The following PDE4D variants were observed in gnomAD, a reference collection of about 807,000 sequenced individuals.
The protein encoded by PDE4D is 3',5'-cyclic-AMP phosphodiesterase 4D.
A neutral mutation model predicts 87.4 loss-of-function variants in PDE4D; 24 were observed. That is an observed-to-expected ratio of 0.27 (90% CI 0.20 to 0.39). The LOEUF (loss-of-function observed/expected upper bound fraction) is 0.39. Ranked by LOEUF, PDE4D falls within the 10% of genes least tolerant of loss-of-function variation. The pLI, the probability that PDE4D is intolerant of heterozygous loss-of-function variation, is 1.00. For synonymous variants in PDE4D, 384 were observed against 383.2 expected (o/e 1.00, Z -0.02); for missense variants, 714 against 1,041.0 (o/e 0.69, Z 4.32).
In PDE4D at chr5:59,954,006, AC is replaced by A. The variant is rs556255073; in HGVS notation, c.272+34481del. 1.4e-4 allele frequency among the ~76,000 whole-genome samples: 22 copies of A among 152,114 alleles called. No individual in the cohort carries two copies. The East Asian group carries it at 3.3e-3, about 23-fold the overall frequency. ...GATGGCACGATCTCAGCTCACTGCA[AC>A]CTCTGCCTCCCAGGTTCAAACAACT... On this transcript the variant is annotated intron_variant, in intron 3 of 16. Transcript: ENST00000502484.
chr5:59,850,541 A>G (rs1008657137), intron 1 of PDE4D, among the ~76,000 whole-genome samples: 1 of 152,060 alleles, frequency 6.6e-6, no homozygotes, highest in African/African-American at 2.4e-5. Context: ...AGGAAAAGAA[A>G]AGGCATAGAG....
intron 5 of PDE4D, chr5:59,091,261 C>A: frequency 2.7e-6 from 1 of 372,690 alleles, no homozygotes. Flanking sequence ...TATGCATGAC[C>A]CATGAATCCA....
chr5:60,476,711 G>A (rs1748357031), intron 1 of PDE4D, among the ~76,000 whole-genome samples: 1 of 152,096 alleles, frequency 6.6e-6, no homozygotes, highest in African/African-American at 2.4e-5. Flanking sequence ...TAATGCCCCT[G>A]CGTGCAGCAC....
intron 1 of PDE4D, chr5:59,275,362 G>A (rs1216781331): frequency 1.3e-6 from 2 of 1,597,146 alleles, no homozygotes; most frequent in Non-Finnish European, 1.7e-6. Context: ...AGTCCTTAGG[G>A]AACTTGTAGA....
chr5:59,771,154 A>AATAG, intron 1 of PDE4D, among the ~76,000 whole-genome samples: 1 of 151,104 alleles, frequency 6.6e-6, no homozygotes, highest in Non-Finnish European at 1.5e-5. Flanking sequence ...TAAATAAATA[A>AATAG]ATAAATAAAT....
At chr5:60,059,700 C>A (rs1167592377) in intron 2 of PDE4D, among the ~76,000 whole-genome samples, 1 of 151,850 alleles carries the variant, frequency 6.6e-6, no homozygotes, top group Non-Finnish European at 1.5e-5. Flanking sequence ...GGGGAACTGA[C>A]AATTACAAGT....
At chr5:59,542,060 C>G (rs566088350) in intron 1 of PDE4D, among the ~76,000 whole-genome samples, 1 of 152,270 alleles carries the variant, frequency 6.6e-6, no homozygotes, top group Admixed American at 6.5e-5. Flanking sequence ...ATAGCCTAAT[C>G]TATGCCGGGC....
At chr5:59,528,672 T>C (rs943725495) in intron 1 of PDE4D, among the ~76,000 whole-genome samples, 4 of 152,118 alleles carry the variant, frequency 2.6e-5, no homozygotes, top group African/African-American at 9.7e-5. Flanking sequence ...TTTGGGCCAT[T>C]AAATTACAAA....
intron 1 of PDE4D, among the ~76,000 whole-genome samples, chr5:59,279,623 A>G (rs994021285): frequency 1.3e-5 from 2 of 152,140 alleles, no homozygotes; most frequent in Non-Finnish European, 2.9e-5. Flanking sequence ...TTAATTACCT[A>G]CATGCTAAGT....
chr5:59,179,576 T>C (rs1740986902), intron 5 of PDE4D: 1 of 380,498 alleles, frequency 2.6e-6, no homozygotes, highest in Admixed American at 3.9e-5. Context: ...TCAGAAAAGA[T>C]GACATTAACA....
chr5:59,459,724 A>T (rs560147458), intron 1 of PDE4D, among the ~76,000 whole-genome samples: 13 of 152,194 alleles, frequency 8.5e-5, no homozygotes, highest in African/African-American at 3.1e-4. Context: ...TAATTTACTC[A>T]ATCTGTTCAA....
chr5:59,305,379 G>T (rs1039450851), intron 1 of PDE4D, among the ~76,000 whole-genome samples: 6 of 150,708 alleles, frequency 4.0e-5, no homozygotes, highest in East Asian at 1.9e-4. Context: ...TTTTTGTATG[G>T]TTTTTTTTTG....
intron 1 of PDE4D, among the ~76,000 whole-genome samples, chr5:59,323,907 A>T (rs908069835): frequency 6.6e-6 from 1 of 152,122 alleles, no homozygotes; most frequent in Admixed American, 6.6e-5. Flanking sequence ...TATGATCTAC[A>T]GTTTACCTCT....
chr5:60,081,839 C>G (rs1732970639), intron 2 of PDE4D, among the ~76,000 whole-genome samples: 1 of 152,098 alleles, frequency 6.6e-6, no homozygotes, highest in Non-Finnish European at 1.5e-5. Flanking sequence ...TTCCCTAGTC[C>G]CTCTGGACAA....
intron 1 of PDE4D, among the ~76,000 whole-genome samples, chr5:60,510,374 C>T (rs1389737712): frequency 6.6e-6 from 1 of 152,090 alleles, no homozygotes; most frequent in Non-Finnish European, 1.5e-5. Flanking sequence ...ACCTAGTCTC[C>T]CTACCTTAGA....
chr5:59,011,898 C>T (rs1277234505), intron 6 of PDE4D, among the ~76,000 whole-genome samples: 1 of 152,130 alleles, frequency 6.6e-6, no homozygotes, highest in Non-Finnish European at 1.5e-5. Context: ...TAAGGGCAGC[C>T]AGAGAGAAAG....
chr5:59,080,053 C>T (rs193254941), intron 5 of PDE4D, among the ~76,000 whole-genome samples: 26 of 152,214 alleles, frequency 1.7e-4, no homozygotes, highest in African/African-American at 4.6e-4. Context: ...TGTGTCTGTA[C>T]ACACACACGT....
intron 1 of PDE4D, among the ~76,000 whole-genome samples, chr5:60,202,087 G>A (rs944718880): frequency 4.6e-5 from 7 of 152,116 alleles, no homozygotes; most frequent in Non-Finnish European, 8.8e-5. Flanking sequence ...TTTCTCTAAG[G>A]GTGAGGAAGA....
chr5:59,044,856 C>A (rs1229760273), intron 5 of PDE4D, among the ~76,000 whole-genome samples: 1 of 152,198 alleles, frequency 6.6e-6, no homozygotes, highest in Non-Finnish European at 1.5e-5. Flanking sequence ...TTCTCACTAA[C>A]TACAATTGTT....
Sources: gnomAD v4.1 joint callset for allele counts (sites outside exome capture counted in the v4.1 genomes callset) on GRCh38, gnomAD v4.1.1 for gene constraint, MANE v1.5 for transcripts, NCBI Gene and HGNC (gene_info 2026-07-23, HGNC 2026-07-21) for gene names.